Variants in SLC47A1 observed in about 807,000 individuals in gnomAD.
The protein encoded by SLC47A1 is multidrug and toxin extrusion protein 1.
Under a neutral mutation model 65.8 loss-of-function variants are expected in SLC47A1, and 58 were observed. The ratio of observed to expected loss-of-function variants is 0.88; its 90% CI spans 0.71 to 1.10. SLC47A1 has a LOEUF of 1.10. SLC47A1 is among the 50% of genes least tolerant of loss of function. The probability of loss-of-function intolerance (pLI) is 0.00; values close to 1 mark genes in which losing one functional copy is unlikely to be tolerated. For synonymous variants in SLC47A1, 285 were observed against 295.0 expected, an observed-to-expected ratio of 0.97 and a Z score of 0.35; for missense variants, 706 against 719.2, an observed-to-expected ratio of 0.98 and a Z score of 0.21.
intron 16 of SLC47A1, among the ~76,000 whole-genome samples, chr17:19,574,915 C>T (rs1251951875): frequency 1.3e-5 from 2 of 152,148 alleles, no homozygotes; most frequent in South Asian, 2.1e-4. Context: ...GGATTACAGG[C>T]GTGAGCCACC....
chr17:19,572,580 C>T (rs566998950), intron 15 of SLC47A1, among the ~76,000 whole-genome samples, 200 bp from the exon 16 acceptor site: 1 of 152,124 alleles, frequency 6.6e-6, no homozygotes, highest in Non-Finnish European at 1.5e-5. Flanking sequence ...CCTCAGCCCC[C>T]CAAAGTGCTG....
intron 2 of SLC47A1, 37 bp from the exon 3 acceptor site, chr17:19,546,398 T>C: frequency 7.5e-6 from 12 of 1,605,902 alleles, no homozygotes; most frequent in Non-Finnish European, 1.0e-5. Flanking sequence ...TTTCCTCCTT[T>C]AACTCTATAG....
At chr17:19,551,330 A>G (rs1916441654) in intron 5 of SLC47A1, 94 bp from the exon 6 acceptor site, 1 of 1,133,590 alleles carries the variant, frequency 8.8e-7, no homozygotes, top group African/African-American at 1.5e-5. Context: ...GGGCAGCCGA[A>G]CCTTGGCTGT....
At chr17:19,549,561 T>C in intron 4 of SLC47A1, 74 bp from the exon 5 acceptor site, 1 of 1,465,938 alleles carries the variant, frequency 6.8e-7, no homozygotes, top group Non-Finnish European at 9.5e-7. Context: ...TTAGTTATTT[T>C]CTTCTGCCTA....
In SLC47A1 at chr17:19,556,054, G is replaced by A. The variant is rs781319562; in HGVS notation, c.913G>A (p.Val305Met). ...CATCGTGTATGAACTGGCCATCATT[G>A]TGTACATGGTAAGCAGGGGAGCCGA... is the stretch of plus-strand genomic sequence containing the variant. ...QSIVYELAIIVYMVPAGFSVA... is the reference protein window; with the variant it reads ...QSIVYELAIIMYMVPAGFSVA... The change falls in exon 10 of 17, where the codon GTG becomes ATG. Residue 305 changes from valine (V) to methionine (M), a missense_variant. Physicochemically the swap from Val to Met is conservative, Grantham distance 21 (BLOSUM62 1). Transcript: ENST00000270570. 1 of 1,613,982 alleles carries A rather than the reference G, an allele frequency of 6.2e-7. No homozygotes were observed. The highest frequency in any genetic ancestry group is 8.5e-7 in the Non-Finnish European group (1 of 1,180,020).
At chr17:19,549,718 G>A (rs780295753) in intron 5 of SLC47A1, 41 bp downstream of exon 5, 5 of 1,605,564 alleles carry the variant, frequency 3.1e-6, no homozygotes, top group Admixed American at 3.3e-5. Flanking sequence ...CTTGGGGTCC[G>A]TGGGTGAAAG....
At chr17:19,552,606 A>C (rs965148589) in intron 6 of SLC47A1, among the ~76,000 whole-genome samples, 2 of 152,182 alleles carry the variant, frequency 1.3e-5, no homozygotes, top group African/African-American at 4.8e-5. Flanking sequence ...AATGAGTGTG[A>C]AAGTCTTCTT....
At chr17:19,566,117 T>TA (rs1473433856) in intron 12 of SLC47A1, among the ~76,000 whole-genome samples, 1 of 152,212 alleles carries the variant, frequency 6.6e-6, no homozygotes, top group Admixed American at 6.5e-5. Flanking sequence ...GGCATGTGGT[T>TA]ATGGCCTACT....
In SLC47A1 at chr17:19,555,782, T is replaced by C. The variant is rs1393402624; in HGVS notation, c.740-14T>C. ...TGGCCAGATCTCCTGGAAATGTGTG[T>C]GTCCCCCCCACAGGCTGGTCCCTCG... On this transcript the variant is annotated splice_polypyrimidine_tract_variant and intron_variant, in intron 8 of 16. Transcript: ENST00000270570. 6.2e-7 allele frequency: 1 copy of C among 1,613,078 alleles called. No homozygotes were observed. The highest frequency in any genetic ancestry group is 8.5e-7 in the Non-Finnish European group (1 of 1,179,688).
chr17:19,552,823 T>A (rs1003925628), intron 6 of SLC47A1, among the ~76,000 whole-genome samples: 12 of 152,086 alleles, frequency 7.9e-5, no homozygotes, highest in African/African-American at 2.9e-4. Context: ...TGGGAGGGGA[T>A]GCAGTGAGAT....
At chr17:19,561,870 C>A (rs2152315643) in intron 12 of SLC47A1, among the ~76,000 whole-genome samples, 1 of 152,210 alleles carries the variant, frequency 6.6e-6, no homozygotes, top group East Asian at 1.9e-4. Context: ...CTCTTGGTTT[C>A]TTAGTATCGG....
chr17:19,534,825 G>A (rs1251161332), intron 1 of SLC47A1: 1 of 152,148 alleles, frequency 6.6e-6, no homozygotes, highest in Non-Finnish European at 1.5e-5. Flanking sequence ...TAAAAATAAT[G>A]TGGTTTTAAA....
chr17:19,567,024 A>G, intron 13 of SLC47A1, 72 bp from the exon 14 acceptor site: 1 of 1,608,364 alleles, frequency 6.2e-7, no homozygotes, highest in Non-Finnish European at 8.5e-7. Context: ...CAGAATATGA[A>G]GTGCTCGGGA....
At chr17:19,577,241 T>C in intron 16 of SLC47A1, 86 bp from the exon 17 acceptor site, 1 of 1,535,460 alleles carries the variant, frequency 6.5e-7, no homozygotes, top group Non-Finnish European at 8.8e-7. Flanking sequence ...TCTCCACTAT[T>C]AGCACATATT....
intron 14 of SLC47A1, among the ~76,000 whole-genome samples, chr17:19,568,815 A>G (rs1312053712): frequency 6.6e-6 from 1 of 151,954 alleles, no homozygotes; most frequent in African/African-American, 2.4e-5. Flanking sequence ...CCTCCTTGCC[A>G]CCAGTCCCTG....
chr17:19,554,969 A>G (rs958580510), intron 6 of SLC47A1, among the ~76,000 whole-genome samples: 4 of 152,008 alleles, frequency 2.6e-5, no homozygotes, highest in Non-Finnish European at 5.9e-5. Flanking sequence ...TGCTGAACAT[A>G]TCTTGCCTGT....
intron 12 of SLC47A1, among the ~76,000 whole-genome samples, chr17:19,564,795 A>G (rs2084343590): frequency 6.6e-6 from 1 of 151,998 alleles, no homozygotes; most frequent in South Asian, 2.1e-4. Context: ...ATCTCGGCTC[A>G]TCGCAATCTC....
At chr17:19,541,299 C>T (rs761902159) in intron 1 of SLC47A1, among the ~76,000 whole-genome samples, 12 of 152,156 alleles carry the variant, frequency 7.9e-5, no homozygotes, top group Non-Finnish European at 1.2e-4. Flanking sequence ...CACACCCATT[C>T]TCTCCTAGGG....
intron 2 of SLC47A1, among the ~76,000 whole-genome samples, chr17:19,546,063 T>C (rs1000017537): frequency 2.6e-5 from 4 of 151,994 alleles, no homozygotes; most frequent in African/African-American, 9.7e-5. Flanking sequence ...TTACTAAAAA[T>C]ACAAAAATTA....
Sources: allele counts gnomAD v4.1 joint callset (sites outside exome capture counted in the v4.1 genomes callset), GRCh38; gene constraint gnomAD v4.1.1; transcripts MANE v1.5; gene names NCBI Gene and HGNC (gene_info 2026-07-23, HGNC 2026-07-21).